The following TRABD2B variants were observed in gnomAD, a reference collection of about 807,000 sequenced individuals.
TRABD2B encodes metalloprotease TIKI2.
Under a neutral mutation model 40.1 loss-of-function variants are expected in TRABD2B, and 14 were observed. That is an observed-to-expected ratio of 0.35 (90% CI 0.23 to 0.55). TRABD2B has a LOEUF of 0.55. Among genes scored for constraint, TRABD2B ranks in the 20% least tolerant of loss-of-function variants. The probability of loss-of-function intolerance (pLI) is 0.90; values close to 1 mark genes in which losing one functional copy is unlikely to be tolerated. For missense variants in TRABD2B, 541 were observed against 648.6 expected, an observed-to-expected ratio of 0.83 and a Z score of 1.80; for synonymous variants, 263 against 277.0, an observed-to-expected ratio of 0.95 and a Z score of 0.50.
intron 4 of TRABD2B, among the ~76,000 whole-genome samples, chr1:47,789,989 T>C (rs1179289193): frequency 1.3e-5 from 2 of 152,104 alleles, no homozygotes; most frequent in South Asian, 4.1e-4. Flanking sequence ...AATTACCAGA[T>C]TTTCATTTTG....
chr1:47,874,252 ATTTT>A (rs61411862), intron 2 of TRABD2B, among the ~76,000 whole-genome samples: 6 of 90,520 alleles, frequency 6.6e-5, no homozygotes, highest in African/African-American at 2.7e-4. Context: ...TGATTAATTA[ATTTT>A]TTTTTTTTTT....
intron 2 of TRABD2B, among the ~76,000 whole-genome samples, chr1:47,962,441 G>T (rs1170029268): frequency 2.0e-5 from 3 of 152,078 alleles, no homozygotes; most frequent in Admixed American, 6.5e-5. Flanking sequence ...TCCTATTGTA[G>T]CTCCTCTTCC....
intron 2 of TRABD2B, among the ~76,000 whole-genome samples, chr1:47,864,634 T>C (rs575014413): frequency 7.2e-5 from 11 of 152,296 alleles, no homozygotes; most frequent in African/African-American, 2.6e-4. Context: ...GGTGCCTCAC[T>C]GGGTTTTCCT....
At chr1:47,867,082 C>T (rs567675179) in intron 2 of TRABD2B, among the ~76,000 whole-genome samples, 8 of 152,356 alleles carry the variant, frequency 5.3e-5, no homozygotes, top group African/African-American at 9.6e-5. Flanking sequence ...GTTTACAGTG[C>T]TGCCCTGGAT....
chr1:47,804,533 G>A (rs1192746596), intron 2 of TRABD2B, among the ~76,000 whole-genome samples: 4 of 152,276 alleles, frequency 2.6e-5, no homozygotes, highest in Non-Finnish European at 2.9e-5. Context: ...TGAGGTCATC[G>A]GCCCAGGCAC....
intron 2 of TRABD2B, among the ~76,000 whole-genome samples, chr1:47,852,996 G>C (rs1643842516): frequency 6.6e-6 from 1 of 152,018 alleles, no homozygotes; most frequent in Non-Finnish European, 1.5e-5. Context: ...AAGGCAGCCA[G>C]GGCTGGTGGG....
chr1:47,779,591 C>T lies in TRABD2B; in HGVS notation c.989-1047G>A, dbSNP rs149192755. Among the ~76,000 whole-genome samples, 716 of 152,266 alleles carry T rather than the reference C, an allele frequency of 4.7e-3. 9 individuals carry two copies. The highest frequency in any genetic ancestry group is 0.016 in the African/African-American group (657 of 41,538). ...TGGTTGGGAAGAACCCTCAGGAGGC[C>T]CAGTGGCTCTGGACACAGGAGGTGC... is the stretch of plus-strand genomic sequence containing the variant. On this transcript the variant is annotated intron_variant, in intron 4 of 6. Transcript: ENST00000606738.
At chr1:47,837,713 G>C (rs1645338368) in intron 2 of TRABD2B, among the ~76,000 whole-genome samples, 1 of 152,220 alleles carries the variant, frequency 6.6e-6, no homozygotes, top group Non-Finnish European at 1.5e-5. Flanking sequence ...AGCGGAAAAT[G>C]ATTCCCGAGG....
chr1:47,950,473 T>A (rs1645326686), intron 2 of TRABD2B, among the ~76,000 whole-genome samples: 1 of 151,934 alleles, frequency 6.6e-6, no homozygotes, highest in Non-Finnish European at 1.5e-5. Context: ...ATGAGTTTGA[T>A]GAGCTGAAGA....
At chr1:47,775,491 T>C (rs879849282) in intron 5 of TRABD2B, 52 bp from the exon 6 acceptor site, 138 of 1,231,654 alleles carry the variant, frequency 1.1e-4, no homozygotes, top group Non-Finnish European at 1.3e-4. Context: ...ATGTCATCCA[T>C]GTGTGGTGGG....
intron 2 of TRABD2B, among the ~76,000 whole-genome samples, chr1:47,855,971 C>T (rs955562670): frequency 6.6e-6 from 1 of 152,166 alleles, no homozygotes; most frequent in Non-Finnish European, 1.5e-5. Flanking sequence ...TGGATGAGGG[C>T]GCTTGCAGAT....
chr1:47,824,444 GGT>G (rs1240315853), intron 2 of TRABD2B, among the ~76,000 whole-genome samples: 2 of 152,160 alleles, frequency 1.3e-5, no homozygotes, highest in African/African-American at 2.4e-5. Context: ...TGCTGTAACT[GGT>G]CAGACTGGTC....
intron 6 of TRABD2B, among the ~76,000 whole-genome samples, chr1:47,774,291 G>T (rs1644414321): frequency 6.6e-6 from 1 of 152,184 alleles, no homozygotes; most frequent in African/African-American, 2.4e-5. Flanking sequence ...CCCTGATAGA[G>T]ACTCTGAGAT....
intron 2 of TRABD2B, among the ~76,000 whole-genome samples, chr1:47,931,935 T>C (rs950847076): frequency 6.6e-6 from 1 of 152,228 alleles, no homozygotes; most frequent in Non-Finnish European, 1.5e-5. Flanking sequence ...AACAGGGCTG[T>C]ACCTCTCTGA....
intron 2 of TRABD2B, among the ~76,000 whole-genome samples, chr1:47,935,571 C>T (rs1449363913): frequency 2.0e-5 from 3 of 152,148 alleles, no homozygotes; most frequent in African/African-American, 7.2e-5. Context: ...TATTACTGCC[C>T]TACTGCAGGA....
chr1:47,962,008 A>C (rs531987558), intron 2 of TRABD2B, among the ~76,000 whole-genome samples: 1 of 152,316 alleles, frequency 6.6e-6, no homozygotes, highest in African/African-American at 2.4e-5. Context: ...TGTGGCACAT[A>C]TACACCATGG....
chr1:47,907,762 C>T (rs528845377), intron 2 of TRABD2B, among the ~76,000 whole-genome samples: 11 of 152,304 alleles, frequency 7.2e-5, no homozygotes, highest in Admixed American at 5.2e-4. Context: ...GGAAAACCCT[C>T]ACAGTGTTTC....
Position 47,996,571 on chromosome 1 carries a change from G to C in TRABD2B, c.102+117C>G, listed in dbSNP as rs1036872380. ...GAAGGGCGCCCGAGGCTGCGCCCGG[G>C]GGGTGGAGGTGGAGCGGGCGGGCTA... On this transcript the variant is annotated intron_variant, in intron 1 of 6. Coordinates refer to ENST00000606738, the MANE Select transcript of TRABD2B (RefSeq NM_001194986.2). The surrounding 1 kb of genome is among the most constrained non-coding windows in gnomAD (Gnocchi z 4.6). 7.1e-6 allele frequency: 8 copies of C among 1,125,416 alleles called. No individual in the cohort carries two copies. Among genetic ancestry groups the C allele is most frequent in the East Asian group, 3.9e-5 (1 of 25,866 alleles). 69.7% of individuals were successfully genotyped at this position (1,125,416 alleles called of 1,614,324 possible).
At chr1:47,833,596 T>G (rs1178836819) in intron 2 of TRABD2B, among the ~76,000 whole-genome samples, 2 of 152,236 alleles carry the variant, frequency 1.3e-5, no homozygotes, top group Non-Finnish European at 2.9e-5. Flanking sequence ...CTGCCTCTAG[T>G]AACATTTACC....
Sources: gnomAD v4.1 joint callset for allele counts (sites outside exome capture counted in the v4.1 genomes callset) on GRCh38, gnomAD v4.1.1 for gene constraint, Gnocchi (gnomAD v3.1) non-coding constraint, MANE v1.5 for transcripts, NCBI Gene and HGNC (gene_info 2026-07-23, HGNC 2026-07-21) for gene names.